Variants in CSAG1 observed in about 807,000 individuals in gnomAD.
CSAG1 encodes the protein chondrosarcoma-associated gene 1 protein.
Under a neutral mutation model 4.8 loss-of-function variants are expected in CSAG1, and 4 were observed. The ratio of observed to expected loss-of-function variants is 0.83; its 90% CI spans 0.41 to 1.90. The LOEUF (loss-of-function observed/expected upper bound fraction) is 1.90, where lower values mean the gene tolerates loss of function less well. CSAG1 is among the 40% of genes most tolerant of loss of function. The pLI is 0.03. For missense variants in CSAG1, 69 were observed against 59.5 expected (o/e 1.16, Z -0.53); for synonymous variants, 21 against 23.1 (o/e 0.91, Z 0.26).
chrX:152,729,865 A>G (rs1158962964), intron 2 of CSAG1, among the ~76,000 whole-genome samples: 2 of 109,910 alleles, frequency 1.8e-5, no homozygotes, highest in African/African-American at 6.6e-5. Context: ...GCCATACTCA[A>G]TCAATTTACC....
rs2124963252 is a variant in CSAG1, at chrX:152,728,222, A to C, written c.19T>G (p.Cys7Gly). The change falls in exon 3 of 4, where the codon TGC (cysteine) becomes GGC (glycine). Residue 7 changes from cysteine (C) to glycine (G), a missense_variant and splice_region_variant. Cys to Gly is a radical substitution (Grantham distance 159). Coordinates refer to ENST00000452779, the MANE Select transcript of CSAG1 (RefSeq NM_001102576.3). The stretch of plus-strand genomic sequence containing the variant: ...CCCAGGACAGTGAAGGCAGGCCAGC[A>C]GGCTAGAAACTCACACGACATTATT... Reference protein sequence around the residue: MSATTACWPAFTVLGEA... With the variant: MSATTAGWPAFTVLGEA... 8.3e-7 allele frequency: 1 copy of C among 1,208,093 alleles called. No homozygotes were observed. Among genetic ancestry groups the C allele is most frequent in the Non-Finnish European group, 1.1e-6 (1 of 892,074 alleles).
intron 2 of CSAG1, among the ~76,000 whole-genome samples, chrX:152,730,191 C>A (rs1265079515): frequency 9.1e-6 from 1 of 109,472 alleles, no homozygotes; most frequent in African/African-American, 3.3e-5. Flanking sequence ...ACATAGTATA[C>A]GAGTCTATTT....
chrX:152,733,028 T>C (rs1556227685), intron 1 of CSAG1: 2 of 113,341 alleles, frequency 1.8e-5, no homozygotes, highest in African/African-American at 6.5e-5. Context: ...TACCTACATA[T>C]ATACTTGGAA....
Position 152,728,232 on chromosome X carries a change from C to A in CSAG1, c.17-8G>T. ...TGAAGGCAGGCCAGCAGGCTAGAAA[C>A]TCACACGACATTATTATGTTAGTCT... is the stretch of plus-strand genomic sequence containing the variant. On this transcript the variant is annotated splice_polypyrimidine_tract_variant and splice_region_variant and intron_variant, in intron 2 of 3. Transcript: ENST00000452779. 8.3e-7 allele frequency: 1 copy of A among 1,202,258 alleles called. No individual in the cohort carries two copies. Among genetic ancestry groups the A allele is most frequent in the South Asian group, 1.8e-5 (1 of 56,711 alleles).
Position 152,727,878 on chromosome X carries a change from G to T in CSAG1, c.168-15C>A, listed in dbSNP as rs1932051449. On this transcript the variant is annotated splice_polypyrimidine_tract_variant and intron_variant, in intron 3 of 3. Transcript: ENST00000452779. ...GTCTTGGGAACCTGGAAAGCCAACA[G>T]GGAGATCACAGGAGGGCACTGGTTT... 4.1e-6 allele frequency: 5 copies of T among 1,207,619 alleles called. No homozygotes were observed. Among genetic ancestry groups the T allele is most frequent in the Admixed American group, 2.2e-5 (1 of 46,048 alleles).
intron 1 of CSAG1, 55 bp from the exon 2 acceptor site, chrX:152,732,559 T>A (rs1379895232): frequency 3.4e-6 from 4 of 1,179,275 alleles, no homozygotes; most frequent in African/African-American, 1.8e-5. Context: ...AGCAAGAAAA[T>A]CTACACAACA....
At chrX:152,730,621 G>A (rs1477093568) in intron 2 of CSAG1, among the ~76,000 whole-genome samples, 1 of 111,965 alleles carries the variant, frequency 8.9e-6, no homozygotes, top group Non-Finnish European at 1.9e-5. Context: ...CCAACCTCCA[G>A]AATGTGAGAA....
intron 2 of CSAG1, among the ~76,000 whole-genome samples, chrX:152,729,079 C>G (rs1556831277): frequency 1.3e-3 from 149 of 110,392 alleles, no homozygotes; most frequent in African/African-American, 4.7e-3. Flanking sequence ...TAGACCTGCA[C>G]ACATATAGTC....
At chrX:152,728,042 C>T (rs145936011) in intron 3 of CSAG1, 32 bp downstream of exon 3, 1 of 1,211,115 alleles carries the variant, frequency 8.3e-7, no homozygotes, top group Non-Finnish European at 1.1e-6. Context: ...GCTTCTGGGC[C>T]AGGGATGAGA....
intron 2 of CSAG1, among the ~76,000 whole-genome samples, chrX:152,728,717 T>A (rs1556831084): frequency 9.0e-6 from 1 of 110,892 alleles, no homozygotes; most frequent in Non-Finnish European, 1.9e-5. Context: ...ACTGGCGGGG[T>A]TGGCTTCTGG....
chrX:152,730,191 C>T (rs1265079515), intron 2 of CSAG1, among the ~76,000 whole-genome samples: 2 of 109,501 alleles, frequency 1.8e-5, no homozygotes, highest in Non-Finnish European at 3.8e-5. Context: ...ACATAGTATA[C>T]GAGTCTATTT....
chrX:152,730,782 T>C (rs1197498274), intron 2 of CSAG1, among the ~76,000 whole-genome samples: 1 of 112,300 alleles, frequency 8.9e-6, no homozygotes, highest in African/African-American at 3.2e-5. Context: ...CGTCTAAAAG[T>C]AACTTAAGAG....
intron 3 of CSAG1, 95 bp from the exon 4 acceptor site, chrX:152,727,958 G>C (rs1234159201): frequency 2.1e-5 from 25 of 1,197,586 alleles, no homozygotes; most frequent in Non-Finnish European, 2.7e-5. Context: ...AAATGGTACA[G>C]GCTGGGGTGG....
intron 2 of CSAG1, among the ~76,000 whole-genome samples, chrX:152,730,825 TAC>T (rs1377005196): frequency 1.8e-5 from 2 of 112,004 alleles, no homozygotes; most frequent in Non-Finnish European, 3.8e-5. Flanking sequence ...TGTAAAATGT[TAC>T]ACACACAGAA....
At chrX:152,727,899 G>A (rs142384548) in intron 3 of CSAG1, 36 bp from the exon 4 acceptor site, 2 of 1,201,094 alleles carry the variant, frequency 1.7e-6, no homozygotes, top group East Asian at 3.0e-5. Flanking sequence ...GGAGGGCACT[G>A]GTTTGGGGAA....
At position 152,727,677 on chromosome X, in the gene CSAG1, C is replaced by T. The variant is rs1314123180; in HGVS notation, c.*117G>A. On this transcript the variant is annotated 3_prime_UTR_variant, in exon 4 of 4. Coordinates refer to ENST00000452779, the MANE Select transcript of CSAG1 (RefSeq NM_001102576.3). ...AAGCACTGGAGAAGGCGGTGGTCTCCTTGCCCTTGTGGTCCTGCTATGGCG... is the reference window on the plus strand; with the variant it reads ...AAGCACTGGAGAAGGCGGTGGTCTCTTTGCCCTTGTGGTCCTGCTATGGCG... 2.1e-6 allele frequency: 2 copies of T among 937,815 alleles called. No individual in the cohort carries two copies. Among genetic ancestry groups the T allele is most frequent in the Non-Finnish European group, 3.1e-6 (2 of 649,648 alleles). The allele number at this position is 937,815 out of a possible 1,213,427, so 77.3% of individuals were successfully genotyped here. A position where few individuals can be genotyped will look rare whatever the true frequency, so the allele number is the denominator to read the frequency against.
chrX:152,732,711 G>A (rs1932187653), intron 1 of CSAG1, among the ~76,000 whole-genome samples: 1 of 112,071 alleles, frequency 8.9e-6, no homozygotes, highest in Non-Finnish European at 1.9e-5. Context: ...TAACAGAATG[G>A]GTAGAATAAA....
At chrX:152,728,626 A>G (rs1398982472) in intron 2 of CSAG1, among the ~76,000 whole-genome samples, 1 of 112,618 alleles carries the variant, frequency 8.9e-6, no homozygotes, top group Non-Finnish European at 1.9e-5. Flanking sequence ...TAGAATAACA[A>G]AATGTCATTG....
At chrX:152,727,972 T>A in intron 3 of CSAG1, 102 bp downstream of exon 3, 1 of 1,202,687 alleles carries the variant, frequency 8.3e-7, no homozygotes, top group South Asian at 1.8e-5. Context: ...GGGGTGGGGG[T>A]TGTGCCAGGG....
Sources: allele counts gnomAD v4.1 joint callset (sites outside exome capture counted in the v4.1 genomes callset), GRCh38; gene constraint gnomAD v4.1.1; transcripts MANE v1.5; gene names NCBI Gene and HGNC (gene_info 2026-07-23, HGNC 2026-07-21).